Variants in FGF14 observed in about 807,000 individuals in gnomAD.
The protein encoded by FGF14 is fibroblast growth factor homologous factor 4.
In FGF14, 5 loss-of-function variants were observed where a neutral mutation model predicts 25.5. The observed-to-expected ratio is 0.20, with a 90% confidence interval of 0.10 to 0.41. The LOEUF is 0.41. Among genes scored for constraint, FGF14 ranks in the 10% least tolerant of loss-of-function variants. The pLI, the probability that FGF14 is intolerant of heterozygous loss-of-function variation, is 1.00. For synonymous variants in FGF14, 138 were observed against 118.3 expected, an observed-to-expected ratio of 1.17 and a Z score of -1.08; for missense variants, 222 against 320.1, an observed-to-expected ratio of 0.69 and a Z score of 2.34.
intron 1 of FGF14, among the ~76,000 whole-genome samples, chr13:101,951,960 C>T (rs1320113552): frequency 6.6e-6 from 1 of 152,122 alleles, no homozygotes; most frequent in East Asian, 1.9e-4. Flanking sequence ...CTAGTGTTTA[C>T]AGAATTTTCC....
chr13:102,219,115 TCTACAATAAATTA>T (rs1312162934), intron 1 of FGF14, among the ~76,000 whole-genome samples: 1 of 152,232 alleles, frequency 6.6e-6, no homozygotes, highest in Non-Finnish European at 1.5e-5. Context: ...TATTTTGAAA[TCTACAATAAATTA>T]CTGTTGACTC....
At chr13:101,772,014 C>T (rs1441881252) in intron 3 of FGF14, among the ~76,000 whole-genome samples, 1 of 151,972 alleles carries the variant, frequency 6.6e-6, no homozygotes, top group African/African-American at 2.4e-5. Context: ...TCAAATACAA[C>T]AGCCATTCAC....
intron 1 of FGF14, among the ~76,000 whole-genome samples, chr13:102,226,952 A>G (rs1166133966): frequency 6.6e-6 from 1 of 152,006 alleles, no homozygotes; most frequent in Non-Finnish European, 1.5e-5. Flanking sequence ...TTGACATCCT[A>G]GCCGGGAACA....
intron 1 of FGF14, among the ~76,000 whole-genome samples, chr13:101,996,269 C>A (rs546792852): frequency 1.1e-4 from 17 of 152,254 alleles, no homozygotes; most frequent in African/African-American, 3.8e-4. Flanking sequence ...TAGTTTGAGG[C>A]AGATCATGGC....
chr13:101,931,792 C>CGAGGT (rs2034769027), intron 1 of FGF14, among the ~76,000 whole-genome samples: 1 of 152,190 alleles, frequency 6.6e-6, no homozygotes, highest in Admixed American at 6.5e-5. Flanking sequence ...CCTCGCAAAG[C>CGAGGT]ACCTGAAGAA....
At chr13:101,765,089 C>G (rs1377036572) in intron 3 of FGF14, among the ~76,000 whole-genome samples, 1 of 152,138 alleles carries the variant, frequency 6.6e-6, no homozygotes, top group Admixed American at 6.5e-5. Context: ...TATTCTACAA[C>G]CTTTATATGA....
intron 1 of FGF14, among the ~76,000 whole-genome samples, chr13:102,070,217 A>T (rs1329486371): frequency 6.6e-6 from 1 of 152,254 alleles, no homozygotes; most frequent in African/African-American, 2.4e-5. Context: ...AAATGGGCAA[A>T]ATATCAGAAT....
chr13:102,242,889 T>C (rs142912807), intron 1 of FGF14, among the ~76,000 whole-genome samples: 1 of 152,252 alleles, frequency 6.6e-6, no homozygotes, highest in East Asian at 1.9e-4. Flanking sequence ...AGTTCTCTAC[T>C]CTTGCCCTAG....
chr13:102,376,905 A>C (rs1359793809), intron 1 of FGF14, among the ~76,000 whole-genome samples: 2 of 152,206 alleles, frequency 1.3e-5, no homozygotes, highest in Non-Finnish European at 2.9e-5. Flanking sequence ...TCACTGGCAC[A>C]AGCCCATGGG....
chr13:101,932,464 C>T (rs1010563503), intron 1 of FGF14, among the ~76,000 whole-genome samples: 4 of 136,008 alleles, frequency 2.9e-5, no homozygotes, highest in Admixed American at 8.3e-5. Context: ...ATCTGCGAGT[C>T]GGAGGTTGCA....
intron 1 of FGF14, among the ~76,000 whole-genome samples, chr13:101,944,292 A>C (rs1224327706): frequency 2.0e-5 from 3 of 152,300 alleles, no homozygotes; most frequent in Middle Eastern, 3.4e-3. Context: ...ATATCATTGT[A>C]ATGTTTGTCA....
chr13:102,276,043 C>A (rs944091876), intron 1 of FGF14, among the ~76,000 whole-genome samples: 2 of 151,854 alleles, frequency 1.3e-5, no homozygotes, highest in African/African-American at 4.8e-5. Context: ...TTTTAGGAAG[C>A]ATTGTAGAAT....
chr13:102,334,964 C>T (rs889685359), intron 1 of FGF14, among the ~76,000 whole-genome samples: 8 of 152,072 alleles, frequency 5.3e-5, no homozygotes, highest in African/African-American at 9.7e-5. Context: ...CCAAGCAGAC[C>T]GTCACTGACT....
intron 4 of FGF14, among the ~76,000 whole-genome samples, chr13:101,724,927 G>A (rs2035307612): frequency 6.6e-6 from 1 of 151,728 alleles, no homozygotes; most frequent in African/African-American, 2.4e-5. Context: ...AAATACATGA[G>A]TGAAATACCA....
In FGF14 at chr13:102,201,102, C is replaced by CA. The variant is rs60149871; in HGVS notation, c.208+200368dup. Among the ~76,000 whole-genome samples the CA allele has an allele frequency of 6.9e-3, 433 of 62,708 alleles. 19 individuals carry two copies. The highest frequency in any genetic ancestry group is 8.6e-3 in the Non-Finnish European group (315 of 36,552). The allele number at this position is 62,708 out of a possible 152,430, so 41.1% of individuals were successfully genotyped here. On this transcript the variant is annotated intron_variant, in intron 1 of 4. Transcript: ENST00000376131. ...GGCGACAGAGCGAGACTCCGTCTCTCAAAAAAAAAAAAAAAAAAAAAAAAA... is the reference window on the plus strand; with the variant it reads ...GGCGACAGAGCGAGACTCCGTCTCTCAAAAAAAAAAAAAAAAAAAAAAAAAA...
intron 1 of FGF14, among the ~76,000 whole-genome samples, chr13:102,319,008 T>C (rs543529028): frequency 6.6e-5 from 10 of 152,254 alleles, no homozygotes; most frequent in African/African-American, 1.2e-4. Context: ...TTGAAGACTA[T>C]TGAGGAGAGA....
At chr13:102,133,695 GA>G (rs2053753195) in intron 1 of FGF14, among the ~76,000 whole-genome samples, 1 of 152,188 alleles carries the variant, frequency 6.6e-6, no homozygotes, top group South Asian at 2.1e-4. Flanking sequence ...ACACGAGGTG[GA>G]TTAATTAGTT....
At chr13:102,117,944 C>T (rs2045549221) in intron 1 of FGF14, among the ~76,000 whole-genome samples, 3 of 151,926 alleles carry the variant, frequency 2.0e-5, no homozygotes, top group South Asian at 4.2e-4. Flanking sequence ...TTGTGTGAAC[C>T]TTTTTATTTA....
rs551241513 is a variant in FGF14 at position 102,148,603 on chromosome 13, G to T, written c.208+252868C>A. On this transcript the variant is annotated intron_variant, in intron 1 of 4. Transcript: ENST00000376131. ...CCAGGCAGATTGCCTGAGCTCAGTA[G>T]CTCGCGACCAGCCTGGGCAACAGGG... Among the ~76,000 whole-genome samples, 6 of 152,228 alleles carry T rather than the reference G, an allele frequency of 3.9e-5. No homozygotes were observed. In the South Asian group the frequency reaches 1.2e-3, roughly 32 times the overall value.
Sources: allele counts gnomAD v4.1 joint callset (sites outside exome capture counted in the v4.1 genomes callset), GRCh38; gene constraint gnomAD v4.1.1; transcripts MANE v1.5; gene names NCBI Gene and HGNC (gene_info 2026-07-23, HGNC 2026-07-21).